Variants in ADAMTSL1 observed in about 807,000 individuals in gnomAD.
ADAMTSL1 encodes the protein ADAMTS like 1, also known as ADAMTS-like protein 1.
A neutral mutation model predicts 201.8 loss-of-function variants in ADAMTSL1; 126 were observed. The ratio of observed to expected loss-of-function variants is 0.62; its 90% CI spans 0.54 to 0.72. The LOEUF (loss-of-function observed/expected upper bound fraction) is 0.72. Ranked by LOEUF, ADAMTSL1 falls within the 30% of genes least tolerant of loss-of-function variation. ADAMTSL1 has a pLI of 0.00. For synonymous variants in ADAMTSL1, 1,121 were observed against 903.4 expected, an observed-to-expected ratio of 1.24 and a Z score of -4.32; for missense variants, 2,679 against 2,277.8, an observed-to-expected ratio of 1.18 and a Z score of -3.59.
chr9:18,456,994 C>T (rs773308678), intron 2 of ADAMTSL1, among the ~76,000 whole-genome samples: 1 of 152,096 alleles, frequency 6.6e-6, no homozygotes, highest in African/African-American at 2.4e-5. Context: ...TAGAACAGTC[C>T]CGGACATAAG....
intron 1 of ADAMTSL1, among the ~76,000 whole-genome samples, chr9:18,038,893 G>T (rs1184205527): frequency 6.6e-6 from 1 of 152,196 alleles, no homozygotes; most frequent in Non-Finnish European, 1.5e-5. Context: ...CTGAAGGTCA[G>T]ATTTCTGCCA....
chr9:18,227,826 A>G (rs1373370683), intron 2 of ADAMTSL1, among the ~76,000 whole-genome samples: 3 of 152,192 alleles, frequency 2.0e-5, no homozygotes, highest in Non-Finnish European at 4.4e-5. Flanking sequence ...AATGAAGAAG[A>G]AAAAGGCATA....
intron 2 of ADAMTSL1, among the ~76,000 whole-genome samples, chr9:18,531,681 A>G (rs1819455928): frequency 6.6e-6 from 1 of 152,202 alleles, no homozygotes; most frequent in Non-Finnish European, 1.5e-5. Flanking sequence ...CATTTCTTAC[A>G]CCAAATTATA....
chr9:18,393,554 A>G (rs182688405), intron 2 of ADAMTSL1, among the ~76,000 whole-genome samples: 1 of 152,330 alleles, frequency 6.6e-6, no homozygotes, highest in Non-Finnish European at 1.5e-5. Flanking sequence ...TAAGGATGTT[A>G]AAGAAGACAG....
At chr9:18,238,665 A>G (rs548736037) in intron 2 of ADAMTSL1, among the ~76,000 whole-genome samples, 83 of 152,344 alleles carry the variant, frequency 5.4e-4, no homozygotes, top group African/African-American at 1.8e-3. Context: ...GAGCACTGAA[A>G]GGAACCAAAT....
At chr9:18,301,028 T>A (rs1817949113) in intron 2 of ADAMTSL1, among the ~76,000 whole-genome samples, 1 of 152,176 alleles carries the variant, frequency 6.6e-6, no homozygotes, top group South Asian at 2.1e-4. Flanking sequence ...AAAATGTAAT[T>A]GAGTCACTAC....
At chr9:18,820,621 C>G (rs1824152448) in intron 21 of ADAMTSL1, among the ~76,000 whole-genome samples, 2 of 152,110 alleles carry the variant, frequency 1.3e-5, no homozygotes, top group South Asian at 4.1e-4. Flanking sequence ...TGTAATTTAC[C>G]TAGACCAACT....
chr9:18,578,301 C>T (rs1822868584), intron 4 of ADAMTSL1, among the ~76,000 whole-genome samples: 1 of 152,282 alleles, frequency 6.6e-6, no homozygotes, highest in Middle Eastern at 3.4e-3. Context: ...ACCACATTCT[C>T]CCCCTTTCTC....
At chr9:18,670,092 T>C (rs1354183866) in intron 9 of ADAMTSL1, among the ~76,000 whole-genome samples, 1 of 152,226 alleles carries the variant, frequency 6.6e-6, no homozygotes, top group African/African-American at 2.4e-5. Flanking sequence ...TGAGGTTGTC[T>C]AGAGAAGATG....
chr9:18,817,231 G>A lies in ADAMTSL1; in HGVS notation c.3928G>A (p.Val1310Ile). 6.4e-7 allele frequency: 1 copy of A among 1,553,890 alleles called. No homozygotes were observed. Among genetic ancestry groups the A allele is most frequent in the African/African-American group, 1.4e-5 (1 of 73,330 alleles). Reference sequence around the variant, plus strand: ...AGTGAATGTGACAATCAACTGCCAGGTTGCAGGTGAGAAATTAATGTTCAT... The same window carrying A: ...AGTGAATGTGACAATCAACTGCCAGATTGCAGGTGAGAAATTAATGTTCAT... ...QGVNVTINCQ[V>I]AGVPEAEVTW... The change falls in exon 21 of 29, where the codon GTT becomes ATT. Residue 1310 changes from valine to isoleucine, a missense_variant. By Grantham distance (29) the Val-to-Ile change is conservative (BLOSUM62 3). Transcript: ENST00000380548.
intron 23 of ADAMTSL1, among the ~76,000 whole-genome samples, chr9:18,851,416 CA>C (rs1380186699): frequency 6.6e-6 from 1 of 152,156 alleles, no homozygotes; most frequent in African/African-American, 2.4e-5. Context: ...CAAATCCATA[CA>C]GGTCTGCAGC....
intron 2 of ADAMTSL1, among the ~76,000 whole-genome samples, chr9:18,174,455 CT>C (rs1828048786): frequency 6.6e-6 from 1 of 152,036 alleles, no homozygotes; most frequent in Non-Finnish European, 1.5e-5. Context: ...GTCAGACAGC[CT>C]TCTGGAATCA....
chr9:18,668,442 G>C (rs1353600588), intron 9 of ADAMTSL1, among the ~76,000 whole-genome samples: 1 of 152,094 alleles, frequency 6.6e-6, no homozygotes, highest in African/African-American at 2.4e-5. Context: ...CCTAATAGTA[G>C]TATCACTTCT....
At chr9:18,109,232 C>T (rs1824896235) in intron 1 of ADAMTSL1, among the ~76,000 whole-genome samples, 1 of 152,068 alleles carries the variant, frequency 6.6e-6, no homozygotes, top group South Asian at 2.1e-4. Flanking sequence ...ATGTGTTACA[C>T]CCTCATTTGT....
chr9:18,418,109 T>C (rs779916935), intron 2 of ADAMTSL1, among the ~76,000 whole-genome samples: 2 of 152,102 alleles, frequency 1.3e-5, no homozygotes, highest in East Asian at 1.9e-4. Context: ...AGAAGTAAAA[T>C]TGATGCAGAA....
At chr9:18,174,804 T>C (rs1323460101) in intron 2 of ADAMTSL1, among the ~76,000 whole-genome samples, 1 of 152,166 alleles carries the variant, frequency 6.6e-6, no homozygotes, top group Non-Finnish European at 1.5e-5. Flanking sequence ...TGGTTGTTAA[T>C]GGTAATTTTT....
chr9:17,985,569 T>C (rs1818890775), intron 1 of ADAMTSL1, among the ~76,000 whole-genome samples: 1 of 152,116 alleles, frequency 6.6e-6, no homozygotes, highest in Non-Finnish European at 1.5e-5. Flanking sequence ...GGAAATTGGT[T>C]GACTGAAATG....
rs1322918267 is a variant in ADAMTSL1, at chr9:18,777,394, G to T, written c.3165G>T (p.Glu1055Asp). Residue 1055 changes from glutamate (E) to aspartate (D), a missense_variant, in exon 19 of 29, where the codon GAG (glutamate) becomes GAT (aspartate). Glu to Asp is a conservative substitution (Grantham distance 45). Coordinates refer to ENST00000380548, the MANE Select transcript of ADAMTSL1 (RefSeq NM_001040272.6). Reference protein sequence around the residue: ...QDSAERNTTSEEDPGAEQVLL... With the variant: ...QDSAERNTTSDEDPGAEQVLL... ...CTGCGGAAAGGAACACGACCTCGGA[G>T]GAGGACCCGGGTGCAGAGCAAGTGC... is the stretch of plus-strand genomic sequence containing the variant. 3.1e-6 allele frequency: 5 copies of T among 1,602,850 alleles called. No individual in the cohort carries two copies.
intron 3 of ADAMTSL1, among the ~76,000 whole-genome samples, chr9:18,553,933 A>G (rs1820946889): frequency 6.6e-6 from 1 of 151,760 alleles, no homozygotes; most frequent in South Asian, 2.1e-4. Context: ...GAGGATTTGT[A>G]TTTTTAATTA....
Sources: allele counts gnomAD v4.1 joint callset (sites outside exome capture counted in the v4.1 genomes callset), GRCh38; gene constraint gnomAD v4.1.1; transcripts MANE v1.5; gene names NCBI Gene and HGNC (gene_info 2026-07-23, HGNC 2026-07-21).